The following BANP variants were observed in gnomAD, a reference collection of about 807,000 sequenced individuals.
BANP encodes protein BANP.
In BANP, 11 loss-of-function variants were observed where a neutral mutation model predicts 68.1. The ratio of observed to expected loss-of-function variants is 0.16; its 90% CI spans 0.10 to 0.27. The LOEUF (loss-of-function observed/expected upper bound fraction) is 0.27. Among genes scored for constraint, BANP ranks in the 10% least tolerant of loss-of-function variants. The pLI, the probability that BANP is intolerant of heterozygous loss-of-function variation, is 1.00. For synonymous variants in BANP, 329 were observed against 303.2 expected (o/e 1.09, Z -0.88); for missense variants, 504 against 722.7 (o/e 0.70, Z 3.47).
chr16:88,063,271 GCCCTC>G (rs889002446), intron 11 of BANP, among the ~76,000 whole-genome samples: 1 of 152,208 alleles, frequency 6.6e-6, no homozygotes, highest in Non-Finnish European at 1.5e-5. Context: ...TCGCCTCTCA[GCCCTC>G]CCCTCCCCTC....
intron 7 of BANP, among the ~76,000 whole-genome samples, chr16:88,020,330 T>C (rs1175210202): frequency 6.6e-6 from 1 of 152,202 alleles, no homozygotes; most frequent in East Asian, 1.9e-4. Context: ...CACCACCCCC[T>C]CCACCCTCTG....
intron 1 of BANP, among the ~76,000 whole-genome samples, chr16:87,962,239 C>CAAA (rs10660621): frequency 0.21 from 16,372 of 78,262 alleles, 2,955 homozygotes; most frequent in East Asian, 0.39. Flanking sequence ...GACTTGGTCT[C>CAAA]AAAAAAAAAA....
At chr16:88,009,470 G>A (rs1364865476) in intron 6 of BANP, among the ~76,000 whole-genome samples, 7 of 152,184 alleles carry the variant, frequency 4.6e-5, no homozygotes, top group Admixed American at 3.9e-4. Context: ...ATGCTGTTTT[G>A]TATCAAATTT....
chr16:87,968,226 A>C (rs1385819351), intron 1 of BANP, among the ~76,000 whole-genome samples: 2 of 151,662 alleles, frequency 1.3e-5, no homozygotes, highest in South Asian at 4.2e-4. Flanking sequence ...GCTCACCCCT[A>C]TAATCCCAGC....
Position 88,003,420 on chromosome 16 carries a change from G to A in BANP, c.363-875G>A, listed in dbSNP as rs2070007635. On this transcript the variant is annotated intron_variant, in intron 4 of 13. Coordinates refer to ENST00000682872, the MANE Select transcript of BANP (RefSeq NM_001386991.1). The surrounding 1 kb of genome is among the most constrained non-coding windows in gnomAD (Gnocchi z 6.1). ...TTTTTGGAGAGTGAAATCCAAGAAT[G>A]GAGTTTTATTGTCAGGTGATAATCA... 1 of 455,928 alleles carries A rather than the reference G, an allele frequency of 2.2e-6. No individual in the cohort carries two copies. The highest frequency in any genetic ancestry group is 4.4e-6 in the Non-Finnish European group (1 of 226,888). 28.2% of individuals were successfully genotyped at this position (455,928 alleles called of 1,614,324 possible).
In BANP at chr16:87,978,829, GC is replaced by G. The variant is rs1208413428; in HGVS notation, c.71-2202del. 6 of 332,632 alleles carry G rather than the reference GC, an allele frequency of 1.8e-5. No individual in the cohort carries two copies. The East Asian group carries it at 5.1e-4, about 28-fold the overall frequency. The allele number at this position is 332,632 out of a possible 1,614,324, so 20.6% of individuals were successfully genotyped here. Reference sequence around the variant, plus strand: ...CTCCCAGGCACAGCTGAGACCAGCTGCCCCCATCACACAGCAAGCGTCAGGT... The same window carrying G: ...CTCCCAGGCACAGCTGAGACCAGCTGCCCCATCACACAGCAAGCGTCAGGT... On this transcript the variant is annotated intron_variant, in intron 2 of 13. Coordinates refer to ENST00000682872, the MANE Select transcript of BANP (RefSeq NM_001386991.1).
chr16:88,053,581 A>G (rs964478416), intron 11 of BANP, among the ~76,000 whole-genome samples: 1 of 147,010 alleles, frequency 6.8e-6, no homozygotes, highest in East Asian at 2.0e-4. Flanking sequence ...CTCCATCATC[A>G]TCATCATCAC....
Position 88,036,309 on chromosome 16 carries a change from A to G in BANP, c.1272+915A>G, listed in dbSNP as rs2079340981. ...TTCCCCACACACACCAGCAGCAGAG[A>G]CTAGGAAGCCCGGGTGCTGAGGTCA... On this transcript the variant is annotated intron_variant, in intron 10 of 13. Coordinates refer to ENST00000682872, the MANE Select transcript of BANP (RefSeq NM_001386991.1). The surrounding 1 kb of genome is among the most constrained non-coding windows in gnomAD (Gnocchi z 4.2). Among the ~76,000 whole-genome samples the G allele has an allele frequency of 6.6e-6, 1 of 152,170 alleles. No homozygotes were observed. Among genetic ancestry groups the G allele is most frequent in the Non-Finnish European group, 1.5e-5 (1 of 68,022 alleles).
At chr16:88,072,802 G>A (rs1045957370) in intron 13 of BANP, among the ~76,000 whole-genome samples, 16 of 152,246 alleles carry the variant, frequency 1.1e-4, no homozygotes, top group African/African-American at 3.9e-4. Context: ...TCTGAACACT[G>A]GAGGCAGAAG....
intron 12 of BANP, among the ~76,000 whole-genome samples, chr16:88,066,155 C>T (rs1439810998): frequency 6.6e-6 from 1 of 152,220 alleles, no homozygotes; most frequent in South Asian, 2.1e-4. Context: ...GCACCGAGGG[C>T]TCCAAAGAGC....
At chr16:87,975,354 G>T in intron 2 of BANP, 169 bp downstream of exon 2, 2 of 684,748 alleles carry the variant, frequency 2.9e-6, no homozygotes, top group Non-Finnish European at 2.5e-6. Context: ...CCCTTCCCTC[G>T]CCCCTGCAGC....
rs573998890 is a variant in BANP, at chr16:87,999,332, A to C, written c.363-4963A>C. Among the ~76,000 whole-genome samples, 95 of 138,422 alleles carry C rather than the reference A, an allele frequency of 6.9e-4. 2 individuals are homozygous for C. Among genetic ancestry groups the C allele is most frequent in the Non-Finnish European group, 5.0e-4 (32 of 63,912 alleles). 90.8% of individuals were successfully genotyped at this position (138,422 alleles called of 152,430 possible). On this transcript the variant is annotated intron_variant, in intron 4 of 13. Coordinates refer to ENST00000682872, the MANE Select transcript of BANP (RefSeq NM_001386991.1). ...AGGCCTTCCAGACACGTCTCCATGC[A>C]CGCACATGCGCGGCTGTACTTACCT...
intron 11 of BANP, among the ~76,000 whole-genome samples, chr16:88,059,744 G>A (rs754481906): frequency 7.9e-5 from 12 of 152,196 alleles, no homozygotes; most frequent in African/African-American, 2.4e-5. Context: ...CTCGCGTCCT[G>A]TCAGGGCCCT....
chr16:88,055,085 G>A (rs912805679), intron 11 of BANP, among the ~76,000 whole-genome samples: 112 of 151,640 alleles, frequency 7.4e-4, no homozygotes, highest in African/African-American at 2.6e-3. Flanking sequence ...TTTCTAGTAC[G>A]TGTGTATTTT....
chr16:88,019,704 TGCGGGGGGCGGGGCGTGC>T (rs1345260263), intron 7 of BANP, among the ~76,000 whole-genome samples: 1 of 34,094 alleles, frequency 2.9e-5, no homozygotes, highest in Admixed American at 3.9e-4. Flanking sequence ...GATCTCAGCG[TGCGGGGGGCGGGGCGTGC>T]GGGATCTCAG....
chr16:88,023,030 C>G (rs780604065), intron 7 of BANP, among the ~76,000 whole-genome samples: 1 of 152,232 alleles, frequency 6.6e-6, no homozygotes, highest in Non-Finnish European at 1.5e-5. Context: ...GGTGCTGTCT[C>G]TTCTCCAGGT....
intron 8 of BANP, among the ~76,000 whole-genome samples, chr16:88,028,646 G>C (rs187121720): frequency 2.2e-4 from 34 of 152,312 alleles, no homozygotes; most frequent in East Asian, 1.9e-3. Flanking sequence ...TCTGCCTTGG[G>C]ACTTGAGAGA....
intron 11 of BANP, among the ~76,000 whole-genome samples, chr16:88,050,241 C>G (rs768081128): frequency 2.0e-5 from 3 of 152,250 alleles, no homozygotes; most frequent in Non-Finnish European, 2.9e-5. Context: ...ACTGCAGCCT[C>G]TGCCTCCCGG....
intron 2 of BANP, among the ~76,000 whole-genome samples, chr16:87,980,232 A>C (rs1250305571): frequency 6.6e-6 from 1 of 152,220 alleles, no homozygotes; most frequent in African/African-American, 2.4e-5. Flanking sequence ...ATAACTGCAA[A>C]TGTGTAAATT....
Sources: allele counts gnomAD v4.1 joint callset (sites outside exome capture counted in the v4.1 genomes callset), GRCh38; gene constraint gnomAD v4.1.1; non-coding constraint Gnocchi (gnomAD v3.1); transcripts MANE v1.5; gene names NCBI Gene and HGNC (gene_info 2026-07-23, HGNC 2026-07-21).